FNIP1: variants seen among roughly 807,000 people sequenced by gnomAD.
FNIP1 encodes the protein folliculin-interacting protein 1.
Under a neutral mutation model 124.5 loss-of-function variants are expected in FNIP1, and 40 were observed. The observed-to-expected ratio is 0.32, with a 90% confidence interval of 0.25 to 0.42. The LOEUF (loss-of-function observed/expected upper bound fraction) is 0.42. Ranked by LOEUF, FNIP1 falls within the 10% of genes least tolerant of loss-of-function variation. The probability of loss-of-function intolerance (pLI) is 1.00; values close to 1 mark genes in which losing one functional copy is unlikely to be tolerated. For missense variants in FNIP1, 1,176 were observed against 1,403.7 expected (o/e 0.84, Z 2.59); for synonymous variants, 472 against 470.6 (o/e 1.00, Z -0.04).
chr5:131,757,235 A>C (rs1392990788), intron 1 of FNIP1, among the ~76,000 whole-genome samples: 1 of 152,208 alleles, frequency 6.6e-6, no homozygotes, highest in Non-Finnish European at 1.5e-5. Flanking sequence ...AAGAGAGGAG[A>C]GTCAGTTAGC....
At position 131,677,706 on chromosome 5, in the gene FNIP1, G is replaced by A. The variant is rs778341746; in HGVS notation, c.1516C>T (p.Leu506=). 3.1e-6 allele frequency: 5 copies of A among 1,613,020 alleles called. No individual in the cohort carries two copies. The highest frequency in any genetic ancestry group is 4.2e-6 in the Non-Finnish European group (5 of 1,179,210). The change falls in exon 13 of 18, where the codon CTG becomes TTG. Residue 506 remains leucine, a synonymous_variant. Coordinates refer to ENST00000510461, the MANE Select transcript of FNIP1 (RefSeq NM_133372.3). ...TAACAGTTGTCAGATTACATACCCAGTTGTGCCCAAAGTGGGTTATATGGA... is the reference window on the plus strand; with the variant it reads ...TAACAGTTGTCAGATTACATACCCAATTGTGCCCAAAGTGGGTTATATGGA... The part of the protein sequence containing the change: ...THPYNPLWAQ[L]GDLYGAIGSP...
At chr5:131,738,880 G>C (rs764331810) in intron 2 of FNIP1, among the ~76,000 whole-genome samples, 2 of 150,050 alleles carry the variant, frequency 1.3e-5, no homozygotes, top group Non-Finnish European at 3.0e-5. Context: ...GCAGTGGCGT[G>C]ATCCTGGCTC....
chr5:131,769,871 C>T (rs536717448), intron 1 of FNIP1, among the ~76,000 whole-genome samples: 4 of 152,170 alleles, frequency 2.6e-5, no homozygotes, highest in Non-Finnish European at 5.9e-5. Context: ...GAAAATCAAT[C>T]TAAGTATTCT....
At chr5:131,718,711 C>T (rs867024081) in intron 5 of FNIP1, among the ~76,000 whole-genome samples, 89 of 152,076 alleles carry the variant, frequency 5.9e-4, no homozygotes, top group African/African-American at 2.1e-3. Flanking sequence ...AGCGTGGTAC[C>T]GCAAAACTGA....
At chr5:131,785,661 G>T (rs1286432929) in intron 1 of FNIP1, among the ~76,000 whole-genome samples, 2 of 152,148 alleles carry the variant, frequency 1.3e-5, no homozygotes, top group East Asian at 3.9e-4. Flanking sequence ...ATTAACATGG[G>T]GCTTTACTAT....
intron 15 of FNIP1, among the ~76,000 whole-genome samples, chr5:131,663,007 T>TGCTGG (rs1438474002): frequency 6.6e-6 from 1 of 152,090 alleles, no homozygotes; most frequent in Non-Finnish European, 1.5e-5. Context: ...CCTCCCAAAG[T>TGCTGG]GCTGGGATTA....
chr5:131,790,585 A>G (rs918823448), intron 1 of FNIP1, among the ~76,000 whole-genome samples: 1 of 151,884 alleles, frequency 6.6e-6, no homozygotes, highest in Admixed American at 6.6e-5. Context: ...CAGAGTTCTG[A>G]CTATAAAATA....
At chr5:131,770,553 A>G (rs990800202) in intron 1 of FNIP1, among the ~76,000 whole-genome samples, 2 of 152,192 alleles carry the variant, frequency 1.3e-5, no homozygotes, top group Admixed American at 6.5e-5. Flanking sequence ...ATATGCTGAA[A>G]CCAAGAATCA....
intron 2 of FNIP1, among the ~76,000 whole-genome samples, chr5:131,732,665 C>T (rs1300615690): frequency 6.6e-6 from 1 of 152,152 alleles, no homozygotes; most frequent in African/African-American, 2.4e-5. Context: ...TTTCTGAGGG[C>T]TCTTTACTGT....
chr5:131,754,121 C>T lies in FNIP1; in HGVS notation c.93-9431G>A, dbSNP rs572633433. Reference sequence around the variant, plus strand: ...GCCACCATGTCCGGCCTAAAACAGACATATTAAACATTTACCACACTCACA... The same window carrying T: ...GCCACCATGTCCGGCCTAAAACAGATATATTAAACATTTACCACACTCACA... On this transcript the variant is annotated intron_variant, in intron 1 of 17. Transcript: ENST00000510461. 5.9e-5 allele frequency among the ~76,000 whole-genome samples: 9 copies of T among 152,228 alleles called. No individual in the cohort carries two copies. The East Asian group carries it at 1.7e-3, about 30-fold the overall frequency.
Position 131,670,444 on chromosome 5 carries a change from A to C in FNIP1, c.3108+19T>G. ...AGAGTTTCTTCTAAATAAACTCAAA[A>C]ACAGTGAAGGTCACTCACCTGCACA... On this transcript the variant is annotated intron_variant, in intron 15 of 17. Coordinates refer to ENST00000510461, the MANE Select transcript of FNIP1 (RefSeq NM_133372.3). 6.5e-7 allele frequency: 1 copy of C among 1,535,266 alleles called. No homozygotes were observed. The highest frequency in any genetic ancestry group is 8.7e-7 in the Non-Finnish European group (1 of 1,143,182).
chr5:131,672,628 G>C lies in FNIP1; in HGVS notation c.1816C>G (p.Pro606Ala). 1 of 1,614,128 alleles carries C rather than the reference G, an allele frequency of 6.2e-7. No homozygotes were observed. The highest frequency in any genetic ancestry group is 1.1e-5 in the South Asian group (1 of 91,076). Residue 606 changes from proline to alanine, a missense_variant, in exon 14 of 18, where the codon CCC becomes GCC. Around this residue, in one of 2 missense-constraint regions of FNIP1, gnomAD observed 1,109 missense variants for 1,288.5 expected, o/e 0.86. Coordinates refer to ENST00000510461, the MANE Select transcript of FNIP1 (RefSeq NM_133372.3). ...CTGCAATATTTACAGTTACAATTGG[G>C]AGTTCTAATTTCTTCTGACTCTTTA... The part of the protein sequence containing the change: ...LFKESEEIRT[P>A]NCNCKYCSHP...
At chr5:131,735,002 A>G (rs1346975767) in intron 2 of FNIP1, among the ~76,000 whole-genome samples, 1 of 152,226 alleles carries the variant, frequency 6.6e-6, no homozygotes, top group Non-Finnish European at 1.5e-5. Flanking sequence ...ATAAAGACAC[A>G]TGCACACGTA....
Position 131,772,924 on chromosome 5 carries a change from T to C in FNIP1, c.92+23906A>G, listed in dbSNP as rs554821610. Among the ~76,000 whole-genome samples the C allele has an allele frequency of 5.3e-5, 8 of 152,332 alleles. No homozygotes were observed. In the East Asian group the frequency reaches 1.3e-3, roughly 26 times the overall value. ...CAAAGCTGATTGTACCATATCATTG[T>C]AAGTTACCAGTTGCCTAGTATACAC... is the stretch of plus-strand genomic sequence containing the variant. On this transcript the variant is annotated intron_variant, in intron 1 of 17. Coordinates refer to ENST00000510461, the MANE Select transcript of FNIP1 (RefSeq NM_133372.3).
At chr5:131,779,475 C>T (rs1221501168) in intron 1 of FNIP1, among the ~76,000 whole-genome samples, 1 of 151,164 alleles carries the variant, frequency 6.6e-6, no homozygotes, top group African/African-American at 2.4e-5. Context: ...GTCAGGAGAT[C>T]GAGACCATCC....
At position 131,671,580 on chromosome 5, in the gene FNIP1, A is replaced by G. The variant is rs771669591; in HGVS notation, c.2864T>C (p.Met955Thr). The G allele has an allele frequency of 1.2e-6, 2 of 1,613,824 alleles. No homozygotes were observed. The highest frequency in any genetic ancestry group is 1.7e-5 in the Admixed American group (1 of 60,026). ...DSESEDTGHDMTRQVSSYYGG... is the reference protein window; with the variant it reads ...DSESEDTGHDTTRQVSSYYGG... ...ATAATAACTGCTAACTTGTCTAGTCATATCATGACCTGTATCTTCACTTTC... is the reference window on the plus strand; with the variant it reads ...ATAATAACTGCTAACTTGTCTAGTCGTATCATGACCTGTATCTTCACTTTC... The change falls in exon 14 of 18, where the codon ATG (methionine) becomes ACG (threonine). Residue 955 changes from methionine (M) to threonine (T), a missense_variant. Met to Thr is a moderately conservative substitution (Grantham distance 81). Coordinates refer to ENST00000510461, the MANE Select transcript of FNIP1 (RefSeq NM_133372.3).
At chr5:131,788,221 A>G (rs1358674292) in intron 1 of FNIP1, among the ~76,000 whole-genome samples, 1 of 152,242 alleles carries the variant, frequency 6.6e-6, no homozygotes, top group Non-Finnish European at 1.5e-5. Flanking sequence ...TGGTAGACTA[A>G]GAGAATGGTG....
At chr5:131,773,046 C>A (rs994991264) in intron 1 of FNIP1, among the ~76,000 whole-genome samples, 1 of 152,148 alleles carries the variant, frequency 6.6e-6, no homozygotes, top group Non-Finnish European at 1.5e-5. Context: ...AATCATCAAA[C>A]CTGTCATACC....
At chr5:131,667,840 G>A (rs1450458007) in intron 15 of FNIP1, among the ~76,000 whole-genome samples, 6 of 152,078 alleles carry the variant, frequency 3.9e-5, no homozygotes, top group East Asian at 3.8e-4. Flanking sequence ...CACCCACCTC[G>A]GCCTCCCAAA....
Sources: allele counts gnomAD v4.1 joint callset (sites outside exome capture counted in the v4.1 genomes callset), GRCh38; gene constraint gnomAD v4.1.1; regional missense constraint gnomAD v4.1.1; transcripts MANE v1.5; gene names NCBI Gene and HGNC (gene_info 2026-07-23, HGNC 2026-07-21).